CSMD1: variants seen among roughly 807,000 people sequenced by gnomAD.
The protein encoded by CSMD1 is CUB and sushi domain-containing protein 1.
In CSMD1, 213 loss-of-function variants were observed where a neutral mutation model predicts 417.5. The ratio of observed to expected loss-of-function variants is 0.51; its 90% CI spans 0.46 to 0.57. The LOEUF (loss-of-function observed/expected upper bound fraction) is 0.57. Among genes scored for constraint, CSMD1 ranks in the 20% least tolerant of loss-of-function variants. The pLI is 0.00. For missense variants in CSMD1, 6,923 were observed against 4,529.7 expected (o/e 1.53, Z -15.17); for synonymous variants, 2,862 against 1,736.8 (o/e 1.65, Z -16.11).
chr8:3,467,367 G>A (rs1816844142), intron 12 of CSMD1, among the ~76,000 whole-genome samples: 1 of 152,150 alleles, frequency 6.6e-6, no homozygotes, highest in African/African-American at 2.4e-5. Flanking sequence ...AAAGGCAGCA[G>A]CAAATGCAGG....
At chr8:4,911,175 T>C (rs1805646117) in intron 1 of CSMD1, among the ~76,000 whole-genome samples, 1 of 152,174 alleles carries the variant, frequency 6.6e-6, no homozygotes, top group African/African-American at 2.4e-5. Context: ...AGTGTGAAAA[T>C]GGACTAATAC....
chr8:3,077,304 G>T (rs1206975832), intron 49 of CSMD1, among the ~76,000 whole-genome samples: 1 of 152,162 alleles, frequency 6.6e-6, no homozygotes. Flanking sequence ...TGGGTGCCTA[G>T]GTCCCCCCAA....
intron 23 of CSMD1, among the ~76,000 whole-genome samples, chr8:3,315,528 G>C (rs1477813718): frequency 6.6e-6 from 1 of 151,624 alleles, no homozygotes; most frequent in Non-Finnish European, 1.5e-5. Context: ...TTTTCAAATT[G>C]AGTCCTCTTG....
At chr8:3,684,247 T>C (rs1201868772) in intron 7 of CSMD1, among the ~76,000 whole-genome samples, 1 of 143,136 alleles carries the variant, frequency 7.0e-6, no homozygotes, top group Non-Finnish European at 1.5e-5. Flanking sequence ...ATAATTTATA[T>C]ATTATATAAA....
At chr8:3,421,260 A>T (rs893119293) in intron 12 of CSMD1, among the ~76,000 whole-genome samples, 2 of 152,206 alleles carry the variant, frequency 1.3e-5, no homozygotes, top group African/African-American at 4.8e-5. Flanking sequence ...CAGAGACTGG[A>T]TCCAGGGATT....
At chr8:3,679,031 A>C (rs192760140) in intron 7 of CSMD1, among the ~76,000 whole-genome samples, 252 of 152,304 alleles carry the variant, frequency 1.7e-3, no homozygotes, top group African/African-American at 5.8e-3. Flanking sequence ...CCTCCTGAAG[A>C]AGCACTAAAC....
chr8:3,611,354 G>A (rs1444340487), intron 8 of CSMD1, among the ~76,000 whole-genome samples: 1 of 152,074 alleles, frequency 6.6e-6, no homozygotes, highest in African/African-American at 2.4e-5. Context: ...GAAGCCTGAG[G>A]GAGCTCTGGA....
At chr8:4,160,351 A>G (rs1046064595) in intron 3 of CSMD1, among the ~76,000 whole-genome samples, 3 of 152,158 alleles carry the variant, frequency 2.0e-5, no homozygotes, top group Non-Finnish European at 2.9e-5. Flanking sequence ...CATTTTTTGT[A>G]AAGTAATGAA....
intron 2 of CSMD1, among the ~76,000 whole-genome samples, chr8:4,522,129 T>G (rs1029655278): frequency 6.6e-6 from 1 of 152,102 alleles, no homozygotes; most frequent in Non-Finnish European, 1.5e-5. Context: ...GGGAGGTGAT[T>G]GAACTATGGA....
At chr8:4,294,343 C>T (rs1797547273) in intron 3 of CSMD1, among the ~76,000 whole-genome samples, 1 of 152,174 alleles carries the variant, frequency 6.6e-6, no homozygotes, top group African/African-American at 2.4e-5. Context: ...TCAAAATAAA[C>T]CCAAGATTCT....
intron 57 of CSMD1, among the ~76,000 whole-genome samples, chr8:2,969,934 A>G (rs1219092489): frequency 6.6e-6 from 1 of 152,164 alleles, no homozygotes; most frequent in Non-Finnish European, 1.5e-5. Flanking sequence ...ATGCAGTTTT[A>G]GAAGTAATCA....
chr8:3,354,986 T>G (rs34132288), intron 21 of CSMD1, among the ~76,000 whole-genome samples: 3,241 of 148,852 alleles, frequency 0.022, 47 homozygotes, highest in Middle Eastern at 0.069. Flanking sequence ...TAGATATAAA[T>G]TAAACTAGAT....
In CSMD1 at chr8:4,575,860, G is replaced by C. The variant is rs149797563; in HGVS notation, c.302+61482C>G. 1.2e-3 allele frequency among the ~76,000 whole-genome samples: 179 copies of C among 152,228 alleles called. 1 individual carries two copies. Among genetic ancestry groups the C allele is most frequent in the African/African-American group, 3.9e-3 (160 of 41,540 alleles). On this transcript the variant is annotated intron_variant, in intron 2 of 69. Transcript: ENST00000635120. ...TAGATCATCTCAGTCGCCTTCTAAA[G>C]ACTTGCAAACTTGCTGTCATTCATT...
chr8:3,446,777 G>A (rs1360197090), intron 12 of CSMD1, among the ~76,000 whole-genome samples: 3 of 152,192 alleles, frequency 2.0e-5, no homozygotes, highest in South Asian at 2.1e-4. Flanking sequence ...TCCTGACGTC[G>A]ATGAAATGGA....
intron 1 of CSMD1, among the ~76,000 whole-genome samples, chr8:4,939,874 A>T (rs576485732): frequency 1.3e-5 from 2 of 152,350 alleles, no homozygotes; most frequent in East Asian, 1.9e-4. Context: ...CAATTCCACA[A>T]TGTATACCTA....
chr8:2,952,712 A>C (rs574167644), intron 65 of CSMD1, among the ~76,000 whole-genome samples: 4 of 152,312 alleles, frequency 2.6e-5, no homozygotes, highest in Admixed American at 6.5e-5. Flanking sequence ...TAGAATTTAT[A>C]TGCTCTTCTG....
intron 1 of CSMD1, among the ~76,000 whole-genome samples, chr8:4,762,218 G>A (rs1812155228): frequency 6.6e-6 from 1 of 151,990 alleles, no homozygotes; most frequent in Non-Finnish European, 1.5e-5. Context: ...AATCATATCT[G>A]CATGGTACCT....
Position 3,997,882 on chromosome 8 carries a change from G to A in CSMD1, c.818+21C>T, listed in dbSNP as rs750618989. ...GGAAAACACACCTGTATCCTTTGTGGCATCTCTTCCCGGGACTTACCATAT... is the reference window on the plus strand; with the variant it reads ...GGAAAACACACCTGTATCCTTTGTGACATCTCTTCCCGGGACTTACCATAT... On this transcript the variant is annotated intron_variant, in intron 5 of 69. Coordinates refer to ENST00000635120, the MANE Select transcript of CSMD1 (RefSeq NM_033225.6). 3.1e-6 allele frequency: 5 copies of A among 1,598,274 alleles called. No homozygotes were observed. The African/African-American group carries it at 4.0e-5, about 13-fold the overall frequency.
At chr8:3,581,644 C>T (rs1457316466) in intron 9 of CSMD1, among the ~76,000 whole-genome samples, 1 of 152,104 alleles carries the variant, frequency 6.6e-6, no homozygotes, top group African/African-American at 2.4e-5. Context: ...GCTGGAATAC[C>T]TTTATGCTCA....
Sources: allele counts gnomAD v4.1 joint callset (sites outside exome capture counted in the v4.1 genomes callset), GRCh38; gene constraint gnomAD v4.1.1; transcripts MANE v1.5; gene names NCBI Gene and HGNC (gene_info 2026-07-23, HGNC 2026-07-21).